EPHA6: variants seen among roughly 807,000 people sequenced by gnomAD.
The protein encoded by EPHA6 is EPH receptor A6, also known as ephrin type-A receptor 6.
In EPHA6, 50 loss-of-function variants were observed where a neutral mutation model predicts 112.0. The observed-to-expected ratio is 0.45, with a 90% CI of 0.36 to 0.56. EPHA6 has a LOEUF of 0.56. Among genes scored for constraint, EPHA6 ranks in the 20% least tolerant of loss-of-function variants. The probability of loss-of-function intolerance (pLI) is 0.00; values close to 1 mark genes in which losing one functional copy is unlikely to be tolerated. For synonymous variants in EPHA6, 529 were observed against 490.7 expected (o/e 1.08, Z -1.03); for missense variants, 1,280 against 1,417.4 (o/e 0.90, Z 1.56).
chr3:97,217,046 A>T (rs2078053755), intron 3 of EPHA6, among the ~76,000 whole-genome samples: 1 of 152,218 alleles, frequency 6.6e-6, no homozygotes, highest in African/African-American at 2.4e-5. Context: ...AGTAATTAAA[A>T]GAGGAAAGCC....
At chr3:96,845,985 G>T (rs776693165) in intron 1 of EPHA6, among the ~76,000 whole-genome samples, 47 of 151,934 alleles carry the variant, frequency 3.1e-4, no homozygotes, top group Non-Finnish European at 6.2e-4. Flanking sequence ...GAAAGTTACA[G>T]ATTTATGAAT....
At chr3:96,849,219 A>G (rs898819662) in intron 1 of EPHA6, among the ~76,000 whole-genome samples, 1 of 152,130 alleles carries the variant, frequency 6.6e-6, no homozygotes, top group African/African-American at 2.4e-5. Flanking sequence ...AATATTATAA[A>G]ACTCAAAGGT....
chr3:97,663,323 TTC>T (rs1178201357), intron 14 of EPHA6, among the ~76,000 whole-genome samples: 7 of 152,052 alleles, frequency 4.6e-5, no homozygotes, highest in Non-Finnish European at 1.0e-4. Flanking sequence ...GCCTTTTTTT[TTC>T]TTTTTTTATA....
chr3:97,120,899 T>C (rs1266564822), intron 3 of EPHA6, among the ~76,000 whole-genome samples: 5 of 151,978 alleles, frequency 3.3e-5, no homozygotes, highest in African/African-American at 1.2e-4. Flanking sequence ...AAATAAACAC[T>C]GGCTTCTAAA....
At chr3:97,170,321 C>T (rs1207017478) in intron 3 of EPHA6, among the ~76,000 whole-genome samples, 1 of 152,124 alleles carries the variant, frequency 6.6e-6, no homozygotes, top group Non-Finnish European at 1.5e-5. Flanking sequence ...TGTTTTATGA[C>T]TGAAAGACCA....
intron 5 of EPHA6, among the ~76,000 whole-genome samples, chr3:97,310,451 G>A (rs2081503741): frequency 6.6e-6 from 1 of 151,416 alleles, no homozygotes; most frequent in Non-Finnish European, 1.5e-5. Flanking sequence ...GAAGCTCAAT[G>A]TAAGCATGAT....
intron 5 of EPHA6, among the ~76,000 whole-genome samples, chr3:97,258,376 G>A (rs2079388419): frequency 6.6e-6 from 1 of 151,938 alleles, no homozygotes; most frequent in African/African-American, 2.4e-5. Flanking sequence ...CCCCTTGGTG[G>A]TAAAGTGCTC....
chr3:97,374,953 T>C (rs950448824), intron 5 of EPHA6, among the ~76,000 whole-genome samples: 1 of 152,198 alleles, frequency 6.6e-6, no homozygotes, highest in African/African-American at 2.4e-5. Flanking sequence ...TTATTAGACC[T>C]AATGCTTTTA....
chr3:97,148,615 GTTAA>G (rs2076097283), intron 3 of EPHA6, among the ~76,000 whole-genome samples: 2 of 151,998 alleles, frequency 1.3e-5, no homozygotes, highest in African/African-American at 4.8e-5. Context: ...ACACTACTGT[GTTAA>G]TTCTCTATTT....
At chr3:97,270,431 C>G (rs1576811780) in intron 5 of EPHA6, among the ~76,000 whole-genome samples, 1 of 152,290 alleles carries the variant, frequency 6.6e-6, no homozygotes, top group East Asian at 1.9e-4. Context: ...ATGTTAGCAG[C>G]CTTGCCAAAA....
chr3:97,438,028 AGTT>A (rs1466441967), intron 6 of EPHA6, among the ~76,000 whole-genome samples: 2 of 152,180 alleles, frequency 1.3e-5, no homozygotes, highest in Non-Finnish European at 2.9e-5. Flanking sequence ...ACAAATTTAA[AGTT>A]GTTGTTTGAC....
At chr3:97,225,715 A>G (rs939961682) in intron 3 of EPHA6, among the ~76,000 whole-genome samples, 13 of 152,190 alleles carry the variant, frequency 8.5e-5, no homozygotes, top group African/African-American at 2.7e-4. Flanking sequence ...AAATATTATT[A>G]TAAAAGCAAA....
intron 3 of EPHA6, among the ~76,000 whole-genome samples, chr3:97,139,963 G>GA (rs1302111885): frequency 6.6e-6 from 1 of 151,322 alleles, no homozygotes; most frequent in African/African-American, 2.4e-5. Flanking sequence ...AAAGAAATAA[G>GA]AAAAAATGAT....
At chr3:97,702,493 T>C (rs1364400843) in intron 14 of EPHA6, among the ~76,000 whole-genome samples, 1 of 152,192 alleles carries the variant, frequency 6.6e-6, no homozygotes, top group Non-Finnish European at 1.5e-5. Flanking sequence ...CTTAGAAACC[T>C]GATGCTTCTT....
intron 11 of EPHA6, among the ~76,000 whole-genome samples, chr3:97,580,726 C>T (rs182421391): frequency 1.3e-5 from 2 of 152,254 alleles, no homozygotes; most frequent in Non-Finnish European, 2.9e-5. Context: ...TCCGTTTTCT[C>T]CCTATTATCA....
intron 5 of EPHA6, among the ~76,000 whole-genome samples, chr3:97,331,698 G>A (rs2082806822): frequency 6.6e-6 from 1 of 152,152 alleles, no homozygotes; most frequent in Non-Finnish European, 1.5e-5. Context: ...AAACCAGGAA[G>A]AAATTGAATC....
chr3:97,695,341 G>A (rs1291002691), intron 14 of EPHA6, among the ~76,000 whole-genome samples: 6 of 152,134 alleles, frequency 3.9e-5, no homozygotes, highest in Admixed American at 3.3e-4. Context: ...ATGAGGTGAG[G>A]TTGTAAAAGC....
chr3:97,729,601 G>A, intron 15 of EPHA6, among the ~76,000 whole-genome samples: 1 of 152,066 alleles, frequency 6.6e-6, no homozygotes, highest in Non-Finnish European at 1.5e-5. Context: ...CGGAGCTACA[G>A]TACAAGATGA....
At chr3:97,583,556 G>T (rs1193327399) in intron 11 of EPHA6, among the ~76,000 whole-genome samples, 4 of 150,914 alleles carry the variant, frequency 2.7e-5, no homozygotes, top group Non-Finnish European at 5.9e-5. Context: ...AAAAAAGAAA[G>T]AAATACTTTG....
Sources: gnomAD v4.1 joint callset for allele counts (sites outside exome capture counted in the v4.1 genomes callset) on GRCh38, gnomAD v4.1.1 for gene constraint, MANE v1.5 for transcripts, NCBI Gene and HGNC (gene_info 2026-07-23, HGNC 2026-07-21) for gene names.